MYT1L: variants seen among roughly 807,000 people sequenced by gnomAD.
The protein encoded by MYT1L is myelin transcription factor 1-like protein.
In MYT1L, 12 loss-of-function variants were observed where a neutral mutation model predicts 126.7. The ratio of observed to expected loss-of-function variants is 0.09; its 90% confidence interval spans 0.06 to 0.15. The LOEUF (loss-of-function observed/expected upper bound fraction) is 0.15, where lower values mean the gene tolerates loss of function less well. MYT1L is among the 10% of genes least tolerant of loss of function. The pLI, the probability that MYT1L is intolerant of heterozygous loss-of-function variation, is 1.00. For missense variants in MYT1L, 979 were observed against 1,585.2 expected, an observed-to-expected ratio of 0.62 and a Z score of 6.49; for synonymous variants, 541 against 604.2, an observed-to-expected ratio of 0.90 and a Z score of 1.53.
intron 23 of MYT1L, among the ~76,000 whole-genome samples, chr2:1,800,519 C>CG (rs2034644595): frequency 6.6e-6 from 1 of 152,090 alleles, no homozygotes; most frequent in Non-Finnish European, 1.5e-5. Context: ...TTGGTACTCA[C>CG]GGGGGGCCTG....
rs3748987 is a variant in MYT1L at position 2,002,009 on chromosome 2, A to T, written c.-157-4662T>A. Among the ~76,000 whole-genome samples, 15 of 152,326 alleles carry T rather than the reference A, an allele frequency of 9.8e-5. No individual in the cohort carries two copies. The East Asian group carries it at 2.9e-3, about 29-fold the overall frequency. On this transcript the variant is annotated intron_variant, in intron 4 of 24. Coordinates refer to ENST00000647738, the MANE Select transcript of MYT1L (RefSeq NM_001303052.2). The stretch of plus-strand genomic sequence containing the variant: ...GATTTTACATCTTGATCCCGTGTGC[A>T]CATCCTATGTATATTATAGAGATTT...
At chr2:2,086,309 A>T (rs559194469) in intron 3 of MYT1L, among the ~76,000 whole-genome samples, 1 of 152,242 alleles carries the variant, frequency 6.6e-6, no homozygotes, top group Non-Finnish European at 1.5e-5. Flanking sequence ...ACCAATCTGC[A>T]TAATAAGGAA....
intron 9 of MYT1L, among the ~76,000 whole-genome samples, chr2:1,932,128 G>A (rs1466356089): frequency 1.3e-5 from 2 of 152,198 alleles, no homozygotes; most frequent in Non-Finnish European, 2.9e-5. Context: ...ACTGGCTCAG[G>A]TTTTGGAAGA....
chr2:2,326,647 A>G (rs1056851573), intron 1 of MYT1L: 1 of 152,196 alleles, frequency 6.6e-6, no homozygotes, highest in Non-Finnish European at 1.5e-5. Context: ...TCCTAGCAGA[A>G]CAGCCTAATA....
chr2:1,914,264 A>G (rs1029152349), intron 11 of MYT1L, among the ~76,000 whole-genome samples: 2 of 151,866 alleles, frequency 1.3e-5, no homozygotes, highest in Non-Finnish European at 2.9e-5. Flanking sequence ...AAAAAAAAAC[A>G]AAAACGAAAA....
intron 4 of MYT1L, among the ~76,000 whole-genome samples, chr2:2,003,490 C>G (rs2062618433): frequency 6.6e-6 from 1 of 152,218 alleles, no homozygotes; most frequent in South Asian, 2.1e-4. Flanking sequence ...GCTCTTCTCT[C>G]CCTCCTGCTG....
chr2:1,846,687 C>T (rs2042540252), intron 19 of MYT1L, among the ~76,000 whole-genome samples: 1 of 152,174 alleles, frequency 6.6e-6, no homozygotes, highest in Admixed American at 6.6e-5. Flanking sequence ...GCCCGGAGCC[C>T]AGGGGCAGAG....
chr2:2,315,050 G>A lies in MYT1L; in HGVS notation c.-521+15917C>T, dbSNP rs6726984. On this transcript the variant is annotated intron_variant, in intron 1 of 24. Transcript: ENST00000647738. Reference sequence around the variant, plus strand: ...CTCAATATGGATTAAAGACTTAAATGTAAAGCTTCTCTGTGCTTTCTATCT... The same window carrying A: ...CTCAATATGGATTAAAGACTTAAATATAAAGCTTCTCTGTGCTTTCTATCT... 4.2e-3 allele frequency among the ~76,000 whole-genome samples: 647 copies of A among 152,268 alleles called. 6 individuals are homozygous for A. The highest frequency in any genetic ancestry group is 0.015 in the African/African-American group (603 of 41,562).
At chr2:1,907,960 A>G (rs2051322096) in intron 13 of MYT1L, among the ~76,000 whole-genome samples, 1 of 152,236 alleles carries the variant, frequency 6.6e-6, no homozygotes, top group African/African-American at 2.4e-5. Context: ...CTGAACAACC[A>G]GGAATGGCTG....
chr2:1,892,302 A>G lies in MYT1L; in HGVS notation c.2033-15T>C, dbSNP rs1156502953. The stretch of plus-strand genomic sequence containing the variant: ...GTACCGCTTCGCTGGGGAGACAGGG[A>G]CAGGGATGACTCAGGCCCCGGCCGC... On this transcript the variant is annotated splice_polypyrimidine_tract_variant and intron_variant, in intron 14 of 24. Transcript: ENST00000647738. 3 of 1,546,026 alleles carry G rather than the reference A, an allele frequency of 1.9e-6. No individual in the cohort carries two copies. Among genetic ancestry groups the G allele is most frequent in the South Asian group, 2.4e-5 (2 of 83,834 alleles).
At chr2:2,106,233 TAA>T (rs1487271805) in intron 3 of MYT1L, among the ~76,000 whole-genome samples, 1 of 152,220 alleles carries the variant, frequency 6.6e-6, no homozygotes, top group Non-Finnish European at 1.5e-5. Context: ...GAAAGTGAGA[TAA>T]AGTCTTTATT....
At chr2:1,996,105 T>C (rs1449900518) in intron 5 of MYT1L, among the ~76,000 whole-genome samples, 1 of 152,126 alleles carries the variant, frequency 6.6e-6, no homozygotes, top group Admixed American at 6.5e-5. Flanking sequence ...TGCAGGCTGA[T>C]TGTTTTGACC....
intron 3 of MYT1L, among the ~76,000 whole-genome samples, chr2:2,164,481 T>C (rs573275557): frequency 1.3e-5 from 2 of 152,284 alleles, no homozygotes; most frequent in South Asian, 4.1e-4. Flanking sequence ...GCTTCATCAG[T>C]GTGGGTCCGA....
At chr2:1,797,008 T>C (rs987683099) in intron 23 of MYT1L, among the ~76,000 whole-genome samples, 3 of 152,226 alleles carry the variant, frequency 2.0e-5, no homozygotes, top group African/African-American at 7.2e-5. Flanking sequence ...TTCTTGTCTC[T>C]GCTCCGGGCT....
At chr2:2,140,437 T>C (rs1297590908) in intron 3 of MYT1L, among the ~76,000 whole-genome samples, 35 of 141,766 alleles carry the variant, frequency 2.5e-4, no homozygotes, top group Admixed American at 1.2e-3. Context: ...TTTTTCTTTT[T>C]TTTTTTTTTT....
chr2:1,843,257 A>T (rs1014179087), intron 19 of MYT1L, among the ~76,000 whole-genome samples: 1 of 152,138 alleles, frequency 6.6e-6, no homozygotes, highest in African/African-American at 2.4e-5. Context: ...TCTCCTCTAC[A>T]GGCTCCTCTG....
At chr2:1,925,766 G>A (rs2054151013) in intron 9 of MYT1L, among the ~76,000 whole-genome samples, 2 of 152,160 alleles carry the variant, frequency 1.3e-5, no homozygotes, top group Admixed American at 1.3e-4. Context: ...GCATTGATAT[G>A]AAATTAGAAG....
chr2:1,897,859 G>A (rs2049819227), intron 14 of MYT1L, among the ~76,000 whole-genome samples: 1 of 152,156 alleles, frequency 6.6e-6, no homozygotes, highest in Non-Finnish European at 1.5e-5. Context: ...TATGTTACGA[G>A]CAATGCAGCA....
rs2148838492 is a variant in MYT1L, at chr2:1,887,621, A to G, written c.2521-12T>C. ...TCCAAGTCTTCTGGCTGTGGGCAAA[A>G]CACAGCTTCAGAGCCACACGGATGA... On this transcript the variant is annotated splice_polypyrimidine_tract_variant and intron_variant, in intron 16 of 24. Coordinates refer to ENST00000647738, the MANE Select transcript of MYT1L (RefSeq NM_001303052.2). The surrounding 1 kb of genome is among the most constrained non-coding windows in gnomAD (Gnocchi z 4.8). 1 of 1,613,914 alleles carries G rather than the reference A, an allele frequency of 6.2e-7. No individual in the cohort carries two copies. The highest frequency in any genetic ancestry group is 8.5e-7 in the Non-Finnish European group (1 of 1,179,876).
Sources: allele counts gnomAD v4.1 joint callset (sites outside exome capture counted in the v4.1 genomes callset), GRCh38; gene constraint gnomAD v4.1.1; non-coding constraint Gnocchi (gnomAD v3.1); transcripts MANE v1.5; gene names NCBI Gene and HGNC (gene_info 2026-07-23, HGNC 2026-07-21).